The following KAZN variants were observed in gnomAD, a reference collection of about 807,000 sequenced individuals.
KAZN encodes kazrin, periplakin interacting protein.
A neutral mutation model predicts 87.4 loss-of-function variants in KAZN; 40 were observed. The observed-to-expected ratio is 0.46, with a 90% confidence interval of 0.36 to 0.60. The LOEUF is 0.60. KAZN is among the 20% of genes least tolerant of loss of function. KAZN has a pLI of 0.00. For missense variants in KAZN, 898 were observed against 1,073.9 expected (o/e 0.84, Z 2.29); for synonymous variants, 466 against 458.3 (o/e 1.02, Z -0.22).
intron 1 of KAZN, among the ~76,000 whole-genome samples, chr1:14,010,121 CT>C (rs373730882): frequency 0.022 from 3,322 of 150,236 alleles, 109 homozygotes; most frequent in African/African-American, 0.076. Context: ...TTAGCTATAA[CT>C]TTTTTTTTTA....
At chr1:15,091,062 A>G (rs1640510800) in intron 8 of KAZN, among the ~76,000 whole-genome samples, 1 of 152,164 alleles carries the variant, frequency 6.6e-6, no homozygotes, top group South Asian at 2.1e-4. Flanking sequence ...ACTATAGTCA[A>G]TGCAGAAAAC....
intron 2 of KAZN, among the ~76,000 whole-genome samples, chr1:14,475,544 C>A (rs16850346): frequency 0.037 from 5,632 of 152,232 alleles, 258 homozygotes; most frequent in African/African-American, 0.098. Flanking sequence ...TCAGAGACTT[C>A]ACTAAAACCC....
intron 1 of KAZN, among the ~76,000 whole-genome samples, chr1:13,943,769 T>C (rs1039615617): frequency 6.6e-6 from 1 of 152,070 alleles, no homozygotes; most frequent in African/African-American, 2.4e-5. Context: ...AAATGGCTAA[T>C]AAGCCCATGA....
chr1:14,700,102 G>C (rs560226733), intron 1 of KAZN, among the ~76,000 whole-genome samples: 1 of 152,240 alleles, frequency 6.6e-6, no homozygotes, highest in African/African-American at 2.4e-5. Flanking sequence ...GATCACATAG[G>C]GCGTTATGAG....
At chr1:14,801,934 T>G (rs868199206) in intron 1 of KAZN, among the ~76,000 whole-genome samples, 3 of 152,182 alleles carry the variant, frequency 2.0e-5, no homozygotes, top group Middle Eastern at 3.4e-3. Flanking sequence ...TCCGCCCGCC[T>G]TGGCCTTCCA....
At chr1:14,676,424 C>CGTT (rs59878586) in intron 1 of KAZN, among the ~76,000 whole-genome samples, 473 of 46,042 alleles carry the variant, frequency 0.01, 1 homozygote, top group African/African-American at 0.029. Context: ...GGCCACTTCA[C>CGTT]GTCCCTGAGC....
At chr1:14,033,529 G>A (rs1283658651) in intron 1 of KAZN, among the ~76,000 whole-genome samples, 1 of 152,206 alleles carries the variant, frequency 6.6e-6, no homozygotes, top group African/African-American at 2.4e-5. Context: ...CTAGGGACAG[G>A]GCTGCAAGCA....
At chr1:14,935,175 C>T (rs975133861) in intron 1 of KAZN, among the ~76,000 whole-genome samples, 9 of 152,228 alleles carry the variant, frequency 5.9e-5, no homozygotes, top group Non-Finnish European at 8.8e-5. Context: ...GGAGCAGTCA[C>T]GGATGCCTCC....
intron 2 of KAZN, among the ~76,000 whole-genome samples, chr1:14,285,666 C>G (rs1653190492): frequency 1.3e-5 from 2 of 152,250 alleles, no homozygotes; most frequent in African/African-American, 4.8e-5. Flanking sequence ...GCACAGGGCC[C>G]TGTGCTTGGA....
intron 2 of KAZN, among the ~76,000 whole-genome samples, chr1:14,403,583 A>C (rs945623374): frequency 1.3e-5 from 2 of 152,198 alleles, no homozygotes; most frequent in African/African-American, 4.8e-5. Context: ...CAAAGAACCA[A>C]CAACAAAAGA....
At chr1:14,393,653 G>T (rs757663212) in intron 2 of KAZN, among the ~76,000 whole-genome samples, 5 of 151,976 alleles carry the variant, frequency 3.3e-5, no homozygotes, top group Non-Finnish European at 7.4e-5. Flanking sequence ...ATCTGTGCTT[G>T]GATGTTTTCT....
intron 2 of KAZN, among the ~76,000 whole-genome samples, chr1:14,426,398 G>A (rs1246141870): frequency 1.3e-5 from 2 of 152,034 alleles, no homozygotes; most frequent in East Asian, 3.9e-4. Flanking sequence ...CCTCAGCCCC[G>A]TTAGATTGTA....
chr1:14,912,230 C>T (rs1657333718), intron 1 of KAZN, among the ~76,000 whole-genome samples: 1 of 151,968 alleles, frequency 6.6e-6, no homozygotes, highest in South Asian at 2.1e-4. Flanking sequence ...CATCTCCTGA[C>T]TCCCCGTCCA....
intron 2 of KAZN, among the ~76,000 whole-genome samples, chr1:14,413,463 G>A (rs1387172621): frequency 1.1e-4 from 17 of 151,756 alleles, no homozygotes; most frequent in African/African-American, 4.1e-4. Context: ...GGTGGCGGGT[G>A]CCTGTAGTCC....
Position 14,122,812 on chromosome 1 carries a change from A to G in KAZN, c.92-57623A>G, listed in dbSNP as rs538607094. On this transcript the variant is annotated intron_variant, in intron 1 of 16. Transcript: ENST00000636203. ...CTACAACATCATGCCTTAAGATCTA[A>G]CTTTTTTGTCCTTGTTTTTGGACAA... Among the ~76,000 whole-genome samples the G allele has an allele frequency of 2.0e-5, 3 of 152,222 alleles. No homozygotes were observed. In the East Asian group the frequency reaches 5.8e-4, roughly 29 times the overall value.
At chr1:15,047,277 G>T (rs529908176) in intron 4 of KAZN, among the ~76,000 whole-genome samples, 2 of 152,134 alleles carry the variant, frequency 1.3e-5, no homozygotes, top group East Asian at 3.8e-4. Context: ...AAGTTTCACC[G>T]CCAGGCTGTG....
intron 1 of KAZN, among the ~76,000 whole-genome samples, chr1:14,676,235 A>C (rs1230573552): frequency 1.3e-5 from 2 of 151,672 alleles, no homozygotes; most frequent in African/African-American, 2.4e-5. Flanking sequence ...CTTTAATTAC[A>C]CTCCTTCCCC....
intron 1 of KAZN, among the ~76,000 whole-genome samples, chr1:13,986,752 T>C (rs1639037327): frequency 6.6e-6 from 1 of 152,186 alleles, no homozygotes; most frequent in African/African-American, 2.4e-5. Flanking sequence ...CAAGGAAGGA[T>C]GGGTAGAGCC....
chr1:15,079,266 T>C (rs541930448), intron 8 of KAZN, among the ~76,000 whole-genome samples: 27 of 152,266 alleles, frequency 1.8e-4, no homozygotes, highest in Admixed American at 6.5e-4. Flanking sequence ...CTAGGTTGTC[T>C]GGAGGCCTAA....
Sources: allele counts gnomAD v4.1 joint callset (sites outside exome capture counted in the v4.1 genomes callset), GRCh38; gene constraint gnomAD v4.1.1; transcripts MANE v1.5; gene names NCBI Gene and HGNC (gene_info 2026-07-23, HGNC 2026-07-21).